ADAM2: variants seen among roughly 807,000 people sequenced by gnomAD.
ADAM2 encodes the protein disintegrin and metalloproteinase domain-containing protein 2.
ADAM2 carries 101 observed loss-of-function variants against 99.3 expected under a neutral mutation model. The observed-to-expected ratio is 1.02, with a 90% CI of 0.87 to 1.20. ADAM2 has a LOEUF of 1.20. Ranked by LOEUF, ADAM2 falls within the 50% of genes most tolerant of loss-of-function variation. The probability of loss-of-function intolerance (pLI) is 0.00; values close to 1 mark genes in which losing one functional copy is unlikely to be tolerated. For synonymous variants in ADAM2, 323 were observed against 287.6 expected, an observed-to-expected ratio of 1.12 and a Z score of -1.25; for missense variants, 948 against 878.7, an observed-to-expected ratio of 1.08 and a Z score of -1.00.
intron 20 of ADAM2, 27 bp downstream of exon 20, chr8:39,744,803 A>C (rs563152142): frequency 3.4e-6 from 5 of 1,470,600 alleles, no homozygotes; most frequent in Admixed American, 4.0e-5. Context: ...AAGTAAAATA[A>C]ATTTTAAAAA....
At chr8:39,745,215 T>G (rs1823398233) in intron 19 of ADAM2, among the ~76,000 whole-genome samples, 1 of 152,218 alleles carries the variant, frequency 6.6e-6, no homozygotes, top group Non-Finnish European at 1.5e-5. Flanking sequence ...CCTATTAATT[T>G]CTATTCATTT....
chr8:39,813,401 C>T (rs1232593668), intron 6 of ADAM2, among the ~76,000 whole-genome samples: 1 of 152,126 alleles, frequency 6.6e-6, no homozygotes, highest in African/African-American at 2.4e-5. Context: ...ACCATTTGAC[C>T]CAGCCATCCC....
intron 10 of ADAM2, among the ~76,000 whole-genome samples, chr8:39,781,881 C>CA (rs1257832242): frequency 6.6e-6 from 1 of 152,060 alleles, no homozygotes; most frequent in Non-Finnish European, 1.5e-5. Context: ...ACAAAAACAC[C>CA]AATGGTCATA....
In ADAM2 at chr8:39,749,740, C is replaced by G. The variant is rs774681900; in HGVS notation, c.1802G>C (p.Cys601Ser). ...DGTSCGSNKV[C>S]RNQRCVSSSY... is the part of the protein sequence containing the mutation. ...AGAACTCACACATCTTTGATTCCTG[C>G]AAACCTAAAAAGGATGAGCAAAAAT... Residue 601 changes from cysteine (C) to serine (S), a missense_variant, in exon 17 of 21, where the codon TGC (cysteine) becomes TCC (serine). Coordinates refer to ENST00000265708, the MANE Select transcript of ADAM2 (RefSeq NM_001464.5). The G allele has an allele frequency of 1.2e-6, 2 of 1,610,538 alleles. No homozygotes were observed. Among genetic ancestry groups the G allele is most frequent in the East Asian group, 4.5e-5 (2 of 44,782 alleles).
chr8:39,791,097 C>A (rs1046403853), intron 7 of ADAM2, among the ~76,000 whole-genome samples: 7 of 151,282 alleles, frequency 4.6e-5, no homozygotes, highest in Non-Finnish European at 4.4e-5. Flanking sequence ...AATGGGGTGA[C>A]TTATGCTAAA....
At chr8:39,837,340 T>C in intron 1 of ADAM2, 128 bp from the exon 2 acceptor site, 4 of 599,656 alleles carry the variant, frequency 6.7e-6, no homozygotes, top group Non-Finnish European at 1.1e-5. Flanking sequence ...TCTTCCCATT[T>C]CTTTCTAAAA....
At chr8:39,751,925 T>C (rs1801964195) in intron 16 of ADAM2, among the ~76,000 whole-genome samples, 1 of 152,110 alleles carries the variant, frequency 6.6e-6, no homozygotes, top group African/African-American at 2.4e-5. Flanking sequence ...CTATGCTTCC[T>C]GGGTTCAAGC....
chr8:39,749,859 T>C (rs1440021356), intron 16 of ADAM2, 115 bp from the exon 17 acceptor site: 1 of 696,550 alleles, frequency 1.4e-6, no homozygotes, highest in African/African-American at 1.8e-5. Flanking sequence ...GGTATTGATT[T>C]AGCAACAAGA....
At chr8:39,801,436 A>G (rs1170632665) in intron 7 of ADAM2, among the ~76,000 whole-genome samples, 1 of 152,166 alleles carries the variant, frequency 6.6e-6, no homozygotes, top group African/African-American at 2.4e-5. Flanking sequence ...ACCTGATGCC[A>G]GTAGGATTAC....
intron 7 of ADAM2, among the ~76,000 whole-genome samples, chr8:39,805,092 C>A (rs1013714630): frequency 1.3e-5 from 2 of 152,194 alleles, no homozygotes; most frequent in Non-Finnish European, 2.9e-5. Flanking sequence ...ATGGTACCTT[C>A]TAGCTGTGTC....
At chr8:39,805,873 G>A (rs1048938841) in intron 7 of ADAM2, among the ~76,000 whole-genome samples, 1 of 152,168 alleles carries the variant, frequency 6.6e-6, no homozygotes, top group African/African-American at 2.4e-5. Context: ...CAGAAGATTA[G>A]CCAGAAACCT....
Position 39,788,184 on chromosome 8 carries a change from A to G in ADAM2, c.710T>C (p.Ile237Thr). ...CTCATTAGCTTCTCCAGTGGTTGCA[A>G]TTTTATTTTCATCTATCCAAAGCTC... ...SLELWIDENKIATTGEANELL... is the reference protein window; with the variant it reads ...SLELWIDENKTATTGEANELL... Residue 237 changes from isoleucine to threonine, a missense_variant, in exon 9 of 21, where the codon ATT becomes ACT. Ile to Thr is a moderately conservative substitution (Grantham distance 89). Coordinates refer to ENST00000265708, the MANE Select transcript of ADAM2 (RefSeq NM_001464.5). 1 of 1,586,508 alleles carries G rather than the reference A, an allele frequency of 6.3e-7. No homozygotes were observed. Among genetic ancestry groups the G allele is most frequent in the Non-Finnish European group, 8.6e-7 (1 of 1,163,656 alleles).
chr8:39,746,694 G>C, intron 18 of ADAM2, 63 bp from the exon 19 acceptor site: 1 of 1,278,462 alleles, frequency 7.8e-7, no homozygotes, highest in Non-Finnish European at 1.1e-6. Flanking sequence ...AGATATTTCT[G>C]TATTTTACTA....
At chr8:39,820,523 T>C (rs1234210942) in intron 6 of ADAM2, among the ~76,000 whole-genome samples, 31 of 152,126 alleles carry the variant, frequency 2.0e-4, no homozygotes, top group Admixed American at 1.9e-3. Context: ...TGAATCTTGT[T>C]TGCTAATAGA....
intron 7 of ADAM2, among the ~76,000 whole-genome samples, chr8:39,809,051 CAAAAAAAATGTACAGA>C (rs1563372052): frequency 4.6e-5 from 7 of 151,562 alleles, no homozygotes; most frequent in African/African-American, 1.7e-4. Context: ...TTCCTGTCTA[CAAAAAAAATGTACAGA>C]TGGGAAACTT....
At chr8:39,778,471 C>T (rs998451664) in intron 10 of ADAM2, among the ~76,000 whole-genome samples, 1 of 152,082 alleles carries the variant, frequency 6.6e-6, no homozygotes, top group African/African-American at 2.4e-5. Flanking sequence ...GGGACATCTA[C>T]CTTCTGTCTG....
chr8:39,786,556 A>G (rs1239550786), intron 10 of ADAM2, among the ~76,000 whole-genome samples: 1 of 152,162 alleles, frequency 6.6e-6, no homozygotes, highest in African/African-American at 2.4e-5. Context: ...GTTATTCTTT[A>G]CTTATACCCT....
intron 6 of ADAM2, among the ~76,000 whole-genome samples, chr8:39,813,868 G>A (rs1221869811): frequency 6.6e-6 from 1 of 151,764 alleles, no homozygotes; most frequent in African/African-American, 2.4e-5. Context: ...GTATACATAT[G>A]GAAGAAAGCT....
intron 4 of ADAM2, among the ~76,000 whole-genome samples, chr8:39,822,880 T>G (rs981524007): frequency 2.0e-5 from 3 of 152,164 alleles, no homozygotes; most frequent in African/African-American, 7.2e-5. Context: ...GTGATTCTCC[T>G]GCCTCAGCCT....
Sources: allele counts gnomAD v4.1 joint callset (sites outside exome capture counted in the v4.1 genomes callset), GRCh38; gene constraint gnomAD v4.1.1; transcripts MANE v1.5; gene names NCBI Gene and HGNC (gene_info 2026-07-23, HGNC 2026-07-21).